The following TIAM1 variants were observed in gnomAD, a reference collection of about 807,000 sequenced individuals.
TIAM1 encodes rho guanine nucleotide exchange factor TIAM1.
A neutral mutation model predicts 163.5 loss-of-function variants in TIAM1; 65 were observed. The observed-to-expected ratio is 0.40, with a 90% confidence interval of 0.33 to 0.49. The LOEUF (loss-of-function observed/expected upper bound fraction) is 0.49. Ranked by LOEUF, TIAM1 falls within the 20% of genes least tolerant of loss-of-function variation. The probability of loss-of-function intolerance (pLI) is 0.77; values close to 1 mark genes in which losing one functional copy is unlikely to be tolerated. For synonymous variants in TIAM1, 833 were observed against 810.1 expected, an observed-to-expected ratio of 1.03 and a Z score of -0.48; for missense variants, 1,789 against 2,044.7, an observed-to-expected ratio of 0.87 and a Z score of 2.41.
At chr21:31,533,436 T>C (rs2048031563) in intron 1 of TIAM1, among the ~76,000 whole-genome samples, 1 of 152,208 alleles carries the variant, frequency 6.6e-6, no homozygotes, top group African/African-American at 2.4e-5. Flanking sequence ...GATACTATCA[T>C]TTCAACATAT....
chr21:31,428,745 T>G (rs1337793510), intron 2 of TIAM1, among the ~76,000 whole-genome samples: 2 of 151,726 alleles, frequency 1.3e-5, no homozygotes, highest in East Asian at 4.0e-4. Context: ...TAGCCAGGCA[T>G]AATGGCACAT....
chr21:31,285,182 A>G (rs565299638), intron 2 of TIAM1, among the ~76,000 whole-genome samples: 1 of 150,242 alleles, frequency 6.7e-6, no homozygotes, highest in East Asian at 1.9e-4. Context: ...TCATTCCCCA[A>G]GCCACCCCCC....
intron 2 of TIAM1, among the ~76,000 whole-genome samples, chr21:31,282,752 T>C (rs2073625891): frequency 6.6e-6 from 1 of 152,182 alleles, no homozygotes; most frequent in Non-Finnish European, 1.5e-5. Flanking sequence ...TCCTACTCCA[T>C]AAAGCATGAA....
chr21:31,361,878 T>TAGACAGAC (rs61444599), intron 2 of TIAM1, among the ~76,000 whole-genome samples: 7 of 149,404 alleles, frequency 4.7e-5, no homozygotes, highest in African/African-American at 1.7e-4. Context: ...GATAGATAGA[T>TAGACAGAC]AGACAGACAT....
intron 1 of TIAM1, among the ~76,000 whole-genome samples, chr21:31,536,451 A>C (rs1018773953): frequency 2.6e-5 from 4 of 152,208 alleles, no homozygotes; most frequent in Admixed American, 1.3e-4. Flanking sequence ...CCCAAAGGTC[A>C]CCTAAATGCA....
chr21:31,264,648 C>G (rs1453642782), intron 4 of TIAM1, among the ~76,000 whole-genome samples: 1 of 152,162 alleles, frequency 6.6e-6, no homozygotes, highest in African/African-American at 2.4e-5. Context: ...CAGTCTAATG[C>G]CGATTTTCTT....
chr21:31,209,088 G>A (rs2086593506), intron 11 of TIAM1, among the ~76,000 whole-genome samples: 1 of 152,066 alleles, frequency 6.6e-6, no homozygotes, highest in African/African-American at 2.4e-5. Flanking sequence ...ACTCGGCACT[G>A]CAGGATGCAC....
At position 31,130,277 on chromosome 21, in the gene TIAM1, G is replaced by C; in HGVS notation, c.3981C>G (p.Asp1327Glu). 2 of 1,614,080 alleles carry C rather than the reference G, an allele frequency of 1.2e-6. No individual in the cohort carries two copies. The highest frequency in any genetic ancestry group is 2.2e-5 in the South Asian group (2 of 91,078). ...SHRLSIYEDW[D>E]PFRFRHMIPT... Reference sequence around the variant, plus strand: ...GGATCATGTGTCGAAATCTGAAGGGGTCCCAGTCCTCATAAATGGAAAGCC... The same window carrying C: ...GGATCATGTGTCGAAATCTGAAGGGCTCCCAGTCCTCATAAATGGAAAGCC... The change falls in exon 25 of 28, where the codon GAC becomes GAG. Residue 1327 changes from aspartate to glutamate, a missense_variant. This residue lies in a region of TIAM1 where 415 missense variants were observed against 439.2 expected (regional missense o/e 0.94). Transcript: ENST00000541036.
chr21:31,277,794 G>A (rs1267969059), intron 2 of TIAM1, among the ~76,000 whole-genome samples: 2 of 151,846 alleles, frequency 1.3e-5, no homozygotes, highest in Admixed American at 6.6e-5. Context: ...TTTCTTGTGC[G>A]AGATCCAAGA....
intron 20 of TIAM1, among the ~76,000 whole-genome samples, chr21:31,146,587 T>C (rs1053203010): frequency 2.6e-5 from 4 of 151,646 alleles, no homozygotes; most frequent in Non-Finnish European, 4.4e-5. Flanking sequence ...GGTGCACGCC[T>C]GTAATCCCAG....
chr21:31,265,455 G>A (rs531168584), intron 4 of TIAM1, among the ~76,000 whole-genome samples: 1 of 151,708 alleles, frequency 6.6e-6, no homozygotes, highest in African/African-American at 2.4e-5. Flanking sequence ...CCAGAGACAG[G>A]GCTGGCCAGC....
chr21:31,234,418 A>G lies in TIAM1; in HGVS notation c.1585-8468T>C, dbSNP rs550541364. Among the ~76,000 whole-genome samples, 852 of 151,668 alleles carry G rather than the reference A, an allele frequency of 5.6e-3. 3 individuals carry two copies. The highest frequency in any genetic ancestry group is 0.02 in the African/African-American group (811 of 41,184). ...AGGGATGAAGGGAAGGTGGGAGAGA[A>G]AGCTTCTTTTAGGAATTAAAAAAAA... On this transcript the variant is annotated intron_variant, in intron 6 of 27. Transcript: ENST00000541036.
At chr21:31,369,702 A>T (rs2076562749) in intron 2 of TIAM1, among the ~76,000 whole-genome samples, 1 of 152,190 alleles carries the variant, frequency 6.6e-6, no homozygotes, top group South Asian at 2.1e-4. Context: ...ATTACATGTC[A>T]ACTAAAAATA....
chr21:31,399,211 C>A (rs1053234827), intron 2 of TIAM1, among the ~76,000 whole-genome samples: 2 of 151,458 alleles, frequency 1.3e-5, no homozygotes, highest in Admixed American at 1.3e-4. Context: ...CATCAATGCC[C>A]CCTGAGATAT....
intron 2 of TIAM1, among the ~76,000 whole-genome samples, chr21:31,380,038 C>T (rs1489452266): frequency 2.6e-5 from 4 of 151,912 alleles, no homozygotes; most frequent in East Asian, 1.9e-4. Context: ...CTAAGGCAGG[C>T]GGATCATTTG....
chr21:31,221,678 G>A (rs889581502), intron 8 of TIAM1, among the ~76,000 whole-genome samples: 8 of 152,206 alleles, frequency 5.3e-5, no homozygotes, highest in African/African-American at 1.9e-4. Context: ...GTAAGAGGAG[G>A]AAGCCACTTC....
intron 1 of TIAM1, among the ~76,000 whole-genome samples, chr21:31,495,370 GT>G (rs199906474): frequency 0.028 from 4,211 of 152,294 alleles, 94 homozygotes; most frequent in Non-Finnish European, 0.044. Context: ...ACCTTTTGAT[GT>G]GGCATCCTCC....
chr21:31,217,771 G>A (rs1431502539), intron 8 of TIAM1, 72 bp from the exon 9 acceptor site: 11 of 1,547,746 alleles, frequency 7.1e-6, no homozygotes, highest in African/African-American at 1.4e-5. Flanking sequence ...TGAGGTCCCC[G>A]TAAGTCCCAC....
intron 1 of TIAM1, among the ~76,000 whole-genome samples, chr21:31,500,343 A>ACAACAG (rs1177737993): frequency 6.6e-6 from 1 of 152,136 alleles, no homozygotes; most frequent in African/African-American, 2.4e-5. Flanking sequence ...TCTGGAAAGA[A>ACAACAG]CAACAGCAAC....
Sources: gnomAD v4.1 joint callset for allele counts (sites outside exome capture counted in the v4.1 genomes callset) on GRCh38, gnomAD v4.1.1 for gene constraint, gnomAD v4.1.1 regional missense constraint, MANE v1.5 for transcripts, NCBI Gene and HGNC (gene_info 2026-07-23, HGNC 2026-07-21) for gene names.